PLCB4: variants seen among roughly 807,000 people sequenced by gnomAD.
PLCB4 encodes 1-phosphatidylinositol 4,5-bisphosphate phosphodiesterase beta-4.
In PLCB4, 77 loss-of-function variants were observed where a neutral mutation model predicts 178.8. The ratio of observed to expected loss-of-function variants is 0.43; its 90% CI spans 0.36 to 0.52. The LOEUF (loss-of-function observed/expected upper bound fraction) is 0.52, where lower values mean the gene tolerates loss of function less well. Ranked by LOEUF, PLCB4 falls within the 20% of genes least tolerant of loss-of-function variation. The pLI is 0.00. For missense variants in PLCB4, 1,024 were observed against 1,453.4 expected (o/e 0.70, Z 4.80); for synonymous variants, 496 against 490.8 (o/e 1.01, Z -0.14).
At chr20:9,372,553 G>C (rs1321594743) in intron 11 of PLCB4, 150 bp downstream of exon 11, 8 of 517,590 alleles carry the variant, frequency 1.5e-5, no homozygotes. Flanking sequence ...TACTTTATCA[G>C]TGTAAAAGTT....
chr20:9,319,678 A>G (rs1311171336), intron 4 of PLCB4, among the ~76,000 whole-genome samples: 1 of 152,110 alleles, frequency 6.6e-6, no homozygotes, highest in African/African-American at 2.4e-5. Flanking sequence ...GACAGAGTGA[A>G]TTCATTCTTC....
At chr20:9,382,275 C>T (rs1257921357) in intron 13 of PLCB4, among the ~76,000 whole-genome samples, 1 of 152,162 alleles carries the variant, frequency 6.6e-6, no homozygotes, top group Non-Finnish European at 1.5e-5. Context: ...ACTATCCAAA[C>T]CTTCATCATC....
intron 3 of PLCB4, among the ~76,000 whole-genome samples, chr20:9,242,185 G>T (rs1442807948): frequency 6.6e-6 from 1 of 152,212 alleles, no homozygotes; most frequent in Non-Finnish European, 1.5e-5. Context: ...CAAAGGCCAA[G>T]CATACAGGGA....
At chr20:9,389,616 A>G (rs139696111) in intron 15 of PLCB4, among the ~76,000 whole-genome samples, 399 of 152,332 alleles carry the variant, frequency 2.6e-3, no homozygotes, top group African/African-American at 9.1e-3. Context: ...CATGCCATTT[A>G]GGTGAAATCT....
chr20:9,384,188 CT>C lies in PLCB4; in HGVS notation c.854-8del. ...GAGCTACAAGTGCTACTAAGATGTT[CT>C]TTTTCCCCTAGGCCTTATATCAAGT... On this transcript the variant is annotated splice_polypyrimidine_tract_variant and intron_variant, in intron 13 of 39. Transcript: ENST00000378473. The C allele has an allele frequency of 6.3e-7, 1 of 1,598,912 alleles. No homozygotes were observed. The highest frequency in any genetic ancestry group is 8.6e-7 in the Non-Finnish European group (1 of 1,166,172).
intron 38 of PLCB4, among the ~76,000 whole-genome samples, chr20:9,474,492 T>C (rs923870487): frequency 6.6e-6 from 1 of 152,176 alleles, no homozygotes; most frequent in Non-Finnish European, 1.5e-5. Context: ...TTATTATTCC[T>C]AGGTAATTCA....
At chr20:9,228,611 T>C (rs1443110822) in intron 3 of PLCB4, among the ~76,000 whole-genome samples, 8 of 152,176 alleles carry the variant, frequency 5.3e-5, no homozygotes, top group Admixed American at 5.2e-4. Context: ...GAGACACATG[T>C]ATTTTTCAGC....
intron 2 of PLCB4, among the ~76,000 whole-genome samples, chr20:9,153,010 A>G (rs1206864406): frequency 6.6e-6 from 1 of 152,184 alleles, no homozygotes; most frequent in Non-Finnish European, 1.5e-5. Context: ...TCAGACTTGT[A>G]TCGGCCCTGT....
chr20:9,357,875 A>G (rs191726587), intron 7 of PLCB4, among the ~76,000 whole-genome samples: 2 of 152,306 alleles, frequency 1.3e-5, no homozygotes, highest in African/African-American at 4.8e-5. Flanking sequence ...CACATCTTAT[A>G]TGGGCAGTGG....
intron 4 of PLCB4, among the ~76,000 whole-genome samples, chr20:9,314,444 G>A (rs1218043486): frequency 6.6e-6 from 1 of 152,146 alleles, no homozygotes; most frequent in African/African-American, 2.4e-5. Flanking sequence ...CCTGGTGGAT[G>A]TAGAGTATGT....
intron 12 of PLCB4, 49 bp from the exon 13 acceptor site, chr20:9,380,005 C>A: frequency 1.0e-6 from 1 of 970,034 alleles, no homozygotes; most frequent in African/African-American, 1.6e-5. Flanking sequence ...TGTCTAATGC[C>A]TCAAGGCCAA....
At chr20:9,202,731 T>C (rs1025171447) in intron 2 of PLCB4, among the ~76,000 whole-genome samples, 3 of 152,156 alleles carry the variant, frequency 2.0e-5, no homozygotes, top group Admixed American at 2.0e-4. Context: ...TTTGTAGATA[T>C]ATCAGCTGCT....
intron 25 of PLCB4, among the ~76,000 whole-genome samples, chr20:9,419,115 G>A (rs2040451835): frequency 6.6e-6 from 1 of 151,712 alleles, no homozygotes; most frequent in Non-Finnish European, 1.5e-5. Context: ...ACTAGAAATA[G>A]GCTTACTTCC....
chr20:9,376,964 C>T (rs1212561152), intron 12 of PLCB4, among the ~76,000 whole-genome samples: 4 of 152,162 alleles, frequency 2.6e-5, no homozygotes, highest in Non-Finnish European at 5.9e-5. Flanking sequence ...TAAAAGGACC[C>T]ATGATCTCTT....
intron 2 of PLCB4, among the ~76,000 whole-genome samples, chr20:9,152,523 G>A (rs575358283): frequency 3.9e-5 from 6 of 152,208 alleles, no homozygotes; most frequent in Admixed American, 2.6e-4. Context: ...CTTCCATGTT[G>A]TGTTGAGCCT....
Position 9,423,914 on chromosome 20 carries a change from A to G in PLCB4, c.2486A>G (p.Asn829Ser), listed in dbSNP as rs1388193868. The G allele has an allele frequency of 1.9e-6, 3 of 1,613,106 alleles. No individual in the cohort carries two copies. Among genetic ancestry groups the G allele is most frequent in the African/African-American group, 2.7e-5 (2 of 74,928 alleles). ...KPLSLPTIFC[N>S]IVLKTYVPDG... Reference sequence around the variant, plus strand: ...TTATCACTACCAACAATTTTCTGCAATATTGTTCTTAAAACATATGTGCCT... The same window carrying G: ...TTATCACTACCAACAATTTTCTGCAGTATTGTTCTTAAAACATATGTGCCT... Residue 829 changes from asparagine to serine, a missense_variant, in exon 28 of 40, where the codon AAT (asparagine) becomes AGT (serine). By Grantham distance (46) the Asn-to-Ser change is conservative. Around this residue, in one of 7 missense-constraint regions of PLCB4, gnomAD observed 227 missense variants for 374.3 expected, o/e 0.61. Transcript: ENST00000378473.
intron 3 of PLCB4, among the ~76,000 whole-genome samples, chr20:9,217,800 AG>A (rs2093749780): frequency 6.6e-6 from 1 of 152,178 alleles, no homozygotes; most frequent in South Asian, 2.1e-4. Context: ...ACTTGTTTTC[AG>A]TCCTGTGCAG....
Position 9,154,091 on chromosome 20 carries a change from T to C in PLCB4, c.-79+57749T>C, listed in dbSNP as rs531429761. 3.3e-5 allele frequency among the ~76,000 whole-genome samples: 5 copies of C among 152,252 alleles called. No individual in the cohort carries two copies. The South Asian group carries it at 8.3e-4, about 25-fold the overall frequency. ...ACTATCTTGATCTTTCCATTTTCCATTGGTCACTTGGGCAAAGTTCGGTTT... is the reference window on the plus strand; with the variant it reads ...ACTATCTTGATCTTTCCATTTTCCACTGGTCACTTGGGCAAAGTTCGGTTT... On this transcript the variant is annotated intron_variant, in intron 2 of 39. Transcript: ENST00000378473.
At chr20:9,246,539 C>CT (rs1303952434) in intron 3 of PLCB4, among the ~76,000 whole-genome samples, 1 of 152,020 alleles carries the variant, frequency 6.6e-6, no homozygotes, top group Non-Finnish European at 1.5e-5. Context: ...GTAATGTTGT[C>CT]TAAGTACAAT....
Sources: gnomAD v4.1 joint callset for allele counts (sites outside exome capture counted in the v4.1 genomes callset) on GRCh38, gnomAD v4.1.1 for gene constraint, gnomAD v4.1.1 regional missense constraint, MANE v1.5 for transcripts, NCBI Gene and HGNC (gene_info 2026-07-23, HGNC 2026-07-21) for gene names.